ZNF227: variants seen among roughly 807,000 people sequenced by gnomAD.
The protein encoded by ZNF227 is zinc finger protein 227.
ZNF227 carries 12 observed loss-of-function variants against 13.2 expected under a neutral mutation model. The observed-to-expected ratio is 0.91, with a 90% CI of 0.58 to 1.47. The LOEUF is 1.47. Ranked by LOEUF, ZNF227 falls within the 40% of genes most tolerant of loss-of-function variation. The pLI, the probability that ZNF227 is intolerant of heterozygous loss-of-function variation, is 0.00. For missense variants in ZNF227, 885 were observed against 967.5 expected (o/e 0.91, Z 1.13); for synonymous variants, 338 against 326.0 (o/e 1.04, Z -0.40).
chr19:44,235,915 GGAGTGTGGTA>G lies in ZNF227; in HGVS notation c.1486_1495del (p.Glu496ArgfsTer70). The stretch of plus-strand genomic sequence containing the variant: ...CGGGAGAGAAACCCTATAAATGTAA[GGAGTGTGGTA>G]AGGGCTTCAGTCAGGCTTCAAATCT... On this transcript the variant is annotated frameshift_variant, in exon 6 of 6. Transcript: ENST00000313040. LOFTEE classifies it low-confidence loss of function (END_TRUNC). The G allele has an allele frequency of 6.2e-7, 1 of 1,613,508 alleles. No individual in the cohort carries two copies. The highest frequency in any genetic ancestry group is 1.7e-5 in the Admixed American group (1 of 59,970).
rs955757850 is a variant in ZNF227, at chr19:44,214,695, T to C, written c.-3+1451T>C. Among the ~76,000 whole-genome samples the C allele has an allele frequency of 3.3e-5, 5 of 152,090 alleles. No homozygotes were observed. The East Asian group carries it at 9.6e-4, about 29-fold the overall frequency. ...GCCCAGCCGAAAAATTTCAAGCATA[T>C]TCAACTGTCAAAAGAGTGGTGCAGT... On this transcript the variant is annotated intron_variant, in intron 2 of 5. Coordinates refer to ENST00000313040, the MANE Select transcript of ZNF227 (RefSeq NM_182490.3).
intron 3 of ZNF227, among the ~76,000 whole-genome samples, chr19:44,219,784 TTTA>T (rs1161246467): frequency 1.2e-4 from 18 of 151,012 alleles, no homozygotes; most frequent in Middle Eastern, 6.9e-3. Context: ...TATTTATTTA[TTTA>T]TTATTATTAT....
rs139871578 is a variant in ZNF227, at chr19:44,217,807, C to G, written c.15C>G (p.Asn5Lys). The G allele has an allele frequency of 6.8e-6, 11 of 1,614,230 alleles. No homozygotes were observed. Among genetic ancestry groups the G allele is most frequent in the Non-Finnish European group, 9.3e-6 (11 of 1,180,036 alleles). The change falls in exon 3 of 6, where the codon AAC becomes AAG. Residue 5 changes from asparagine to lysine, a missense_variant. Transcript: ENST00000313040. MPSQ[N>K]YDLPQKKQEK... ...CTCCCCCAGTTATGCCATCTCAGAACTATGACCTTCCCCAGAAGAAGCAGG... is the reference window on the plus strand; with the variant it reads ...CTCCCCCAGTTATGCCATCTCAGAAGTATGACCTTCCCCAGAAGAAGCAGG...
upstream of ZNF227, among the ~76,000 whole-genome samples, chr19:44,210,812 C>T (rs1236636779): frequency 1.3e-5 from 2 of 152,182 alleles, no homozygotes; most frequent in African/African-American, 4.8e-5. Flanking sequence ...TGAAAATAAT[C>T]AAATTTCCAT....
chr19:44,228,692 C>A, intron 4 of ZNF227, 120 bp downstream of exon 4: 1 of 1,235,716 alleles, frequency 8.1e-7, no homozygotes, highest in East Asian at 2.8e-5. Flanking sequence ...AAAAGGTTTT[C>A]TAATCCCTGG....
chr19:44,209,561 T>TTTTA (rs780230318), upstream of ZNF227, among the ~76,000 whole-genome samples: 37 of 151,842 alleles, frequency 2.4e-4, no homozygotes, highest in Non-Finnish European at 3.2e-4. Flanking sequence ...ACTCAGGGTC[T>TTTTA]TTTATTTATT....
In ZNF227 at chr19:44,236,237, C is replaced by G; in HGVS notation, c.1807C>G (p.Pro603Ala). The G allele has an allele frequency of 6.2e-7, 1 of 1,614,084 alleles. No individual in the cohort carries two copies. Among genetic ancestry groups the G allele is most frequent in the Non-Finnish European group, 8.5e-7 (1 of 1,180,022 alleles). The change falls in exon 6 of 6, where the codon CCC becomes GCC. Residue 603 changes from proline (P) to alanine (A), a missense_variant. By Grantham distance (27) the Pro-to-Ala change is conservative. Coordinates refer to ENST00000313040, the MANE Select transcript of ZNF227 (RefSeq NM_182490.3). ...TCAAAGAGTTCACTCAGGAGAAAAACCCTATAAATGTGAGCAGTGTGATAA... is the reference window on the plus strand; with the variant it reads ...TCAAAGAGTTCACTCAGGAGAAAAAGCCTATAAATGTGAGCAGTGTGATAA... Reference protein sequence around the residue: ...AHQRVHSGEKPYKCEQCDKSF... With the variant: ...AHQRVHSGEKAYKCEQCDKSF...
Position 44,236,943 on chromosome 19 carries a change from A to G in ZNF227, c.*113A>G. On this transcript the variant is annotated 3_prime_UTR_variant, in exon 6 of 6. Coordinates refer to ENST00000313040, the MANE Select transcript of ZNF227 (RefSeq NM_182490.3). ...ACTGAGAGTGGAAGGGGGTTTGTTC[A>G]CACTTGGAATCTTTCTAACAAATCC... 1 of 796,062 alleles carries G rather than the reference A, an allele frequency of 1.3e-6. No individual in the cohort carries two copies. The highest frequency in any genetic ancestry group is 3.7e-4 in the Middle Eastern group (1 of 2,720). 49.3% of individuals were successfully genotyped at this position (796,062 alleles called of 1,614,324 possible).
intron 3 of ZNF227, among the ~76,000 whole-genome samples, chr19:44,222,968 C>A (rs895330913): frequency 1.4e-3 from 220 of 151,800 alleles, no homozygotes; most frequent in African/African-American, 5.0e-3. Flanking sequence ...GAGTTTTTAG[C>A]ATGAAGGGTT....
chr19:44,214,761 A>T (rs1171146023), intron 2 of ZNF227, among the ~76,000 whole-genome samples: 1 of 151,728 alleles, frequency 6.6e-6, no homozygotes, highest in Admixed American at 6.6e-5. Context: ...CATTTGCTGC[A>T]GACCATCTCC....
chr19:44,220,482 G>GA (rs1166777325), intron 3 of ZNF227, among the ~76,000 whole-genome samples: 4 of 150,074 alleles, frequency 2.7e-5, no homozygotes, highest in East Asian at 2.0e-4. Context: ...AATGTTAATA[G>GA]AAAAAAAATG....
intron 5 of ZNF227, among the ~76,000 whole-genome samples, chr19:44,232,821 C>T (rs1160414831): frequency 6.6e-6 from 1 of 151,996 alleles, no homozygotes; most frequent in East Asian, 1.9e-4. Context: ...TGCCACCATG[C>T]CAGGCTAATT....
In ZNF227 at chr19:44,236,636, G is replaced by T. The variant is rs758372775; in HGVS notation, c.2206G>T (p.Gly736Cys). The T allele has an allele frequency of 1.9e-6, 3 of 1,612,514 alleles. No homozygotes were observed. The South Asian group carries it at 3.3e-5, about 18-fold the overall frequency. Residue 736 changes from glycine (G) to cysteine (C), a missense_variant, in exon 6 of 6, where the codon GGT (glycine) becomes TGT (cysteine). Physicochemically the swap from Gly to Cys is radical, Grantham distance 159. Transcript: ENST00000313040. ...CCCCTCAAATCTTCGAGTCCACCTG[G>T]GTGTTCACACCAGGGAAAAACTCTT... ...SLPSNLRVHLGVHTREKLFKC... is the reference protein window; with the variant it reads ...SLPSNLRVHLCVHTREKLFKC...
chr19:44,222,444 A>G (rs1028039577), intron 3 of ZNF227, among the ~76,000 whole-genome samples: 1 of 151,504 alleles, frequency 6.6e-6, no homozygotes, highest in African/African-American at 2.4e-5. Context: ...TTCATCGAGC[A>G]GTGGTTTGTA....
chr19:44,236,193 G>A lies in ZNF227; in HGVS notation c.1763G>A (p.Arg588Lys). Residue 588 changes from arginine (R) to lysine (K), a missense_variant, in exon 6 of 6, where the codon AGA becomes AAA. Transcript: ENST00000313040. ...CEECGKGFSW[R>K]SNLHAHQRVH... ...GAATGTGGGAAGGGCTTCAGTTGGA[G>A]ATCAAATCTTCATGCACATCAAAGA... 1 of 1,614,056 alleles carries A rather than the reference G, an allele frequency of 6.2e-7. No individual in the cohort carries two copies.
At position 44,213,563 on chromosome 19, in the gene ZNF227, C is replaced by T. The variant is rs529337293; in HGVS notation, c.-3+319C>T. The T allele has an allele frequency of 3.9e-5, 6 of 152,322 alleles. No homozygotes were observed. The South Asian group carries it at 1.0e-3, about 26-fold the overall frequency. The allele number at this position is 152,322 out of a possible 1,614,324, so 9.4% of individuals were successfully genotyped here. A position where few individuals can be genotyped will look rare whatever the true frequency, so the allele number is the denominator to read the frequency against. ...AGTAAGAGGTGGATTTGGGATTGAACCCAAGCATTCCTTTTCAGACTGTGT... is the reference window on the plus strand; with the variant it reads ...AGTAAGAGGTGGATTTGGGATTGAATCCAAGCATTCCTTTTCAGACTGTGT... On this transcript the variant is annotated intron_variant, in intron 2 of 5. Coordinates refer to ENST00000313040, the MANE Select transcript of ZNF227 (RefSeq NM_182490.3).
chr19:44,236,448 C>T lies in ZNF227; in HGVS notation c.2018C>T (p.Ser673Leu), dbSNP rs762202412. 1.5e-5 allele frequency: 24 copies of T among 1,613,596 alleles called. No homozygotes were observed. The highest frequency in any genetic ancestry group is 6.7e-5 in the East Asian group (3 of 44,856). Reference sequence around the variant, plus strand: ...TGTGGAAAGGGCTTTAGATACAGTTCGCAGTTTATATACCATCAGAGAGGC... The same window carrying T: ...TGTGGAAAGGGCTTTAGATACAGTTTGCAGTTTATATACCATCAGAGAGGC... ...DVCGKGFRYS[S>L]QFIYHQRGHT... The change falls in exon 6 of 6, where the codon TCG becomes TTG. Residue 673 changes from serine to leucine, a missense_variant. Physicochemically the swap from Ser to Leu is moderately radical, Grantham distance 145. Transcript: ENST00000313040.
chr19:44,234,964 C>A lies in ZNF227; in HGVS notation c.534C>A (p.Cys178Ter). 1 of 1,613,850 alleles carries A rather than the reference C, an allele frequency of 6.2e-7. No homozygotes were observed. Residue 178 changes from cysteine (C) to a stop codon, truncating the protein, a stop_gained, in exon 6 of 6, where the codon TGC becomes TGA. Transcript: ENST00000313040. LOFTEE classifies it low-confidence loss of function (END_TRUNC). ...CATTTTGGAGAACCCAGCATTCTTGCGGGAATACATATCTGAGTGAGTCAC... is the reference window on the plus strand; with the variant it reads ...CATTTTGGAGAACCCAGCATTCTTGAGGGAATACATATCTGAGTGAGTCAC... ...EFPFWRTQHS[C>*]GNTYLSESQI...
intron 4 of ZNF227, 28 bp from the exon 5 acceptor site, chr19:44,229,705 A>G (rs948131939): frequency 6.6e-7 from 1 of 1,517,724 alleles, no homozygotes; most frequent in African/African-American, 1.4e-5. Flanking sequence ...TGTTCATCTT[A>G]AATACATAAA....
Sources: gnomAD v4.1 joint callset for allele counts (sites outside exome capture counted in the v4.1 genomes callset) on GRCh38, gnomAD v4.1.1 for gene constraint, MANE v1.5 for transcripts, NCBI Gene and HGNC (gene_info 2026-07-23, HGNC 2026-07-21) for gene names.